The following ZFAT variants were observed in gnomAD, a reference collection of about 807,000 sequenced individuals.
The protein encoded by ZFAT is zinc finger protein ZFAT.
In ZFAT, 64 loss-of-function variants were observed where a neutral mutation model predicts 117.7. The observed-to-expected ratio is 0.54, with a 90% confidence interval of 0.44 to 0.67. The LOEUF (loss-of-function observed/expected upper bound fraction) is 0.67. Among genes scored for constraint, ZFAT ranks in the 30% least tolerant of loss-of-function variants. The probability of loss-of-function intolerance (pLI) is 0.00; values close to 1 mark genes in which losing one functional copy is unlikely to be tolerated. For synonymous variants in ZFAT, 679 were observed against 615.0 expected, an observed-to-expected ratio of 1.10 and a Z score of -1.54; for missense variants, 1,433 against 1,584.5, an observed-to-expected ratio of 0.90 and a Z score of 1.62.
chr8:134,551,074 T>C (rs1007612702), intron 11 of ZFAT, among the ~76,000 whole-genome samples: 1 of 152,196 alleles, frequency 6.6e-6, no homozygotes, highest in Admixed American at 6.5e-5. Flanking sequence ...TGCTCGAGTC[T>C]TGATAGCTAA....
chr8:134,573,290 A>G (rs555277500), intron 10 of ZFAT, among the ~76,000 whole-genome samples: 1 of 152,244 alleles, frequency 6.6e-6, no homozygotes, highest in Non-Finnish European at 1.5e-5. Context: ...TGTTACTTTA[A>G]TTTAAAAAAC....
chr8:134,635,988 C>A (rs1314932269), intron 3 of ZFAT, among the ~76,000 whole-genome samples: 1 of 152,134 alleles, frequency 6.6e-6, no homozygotes, highest in Admixed American at 6.5e-5. Context: ...CCGTGCAGCC[C>A]CACAAGGTTT....
intron 1 of ZFAT, among the ~76,000 whole-genome samples, chr8:134,680,708 T>C (rs561549952): frequency 6.6e-6 from 1 of 152,288 alleles, no homozygotes; most frequent in South Asian, 2.1e-4. Flanking sequence ...GATGTAACTA[T>C]TAGGTTGGGA....
chr8:134,506,828 A>G (rs568328326), intron 15 of ZFAT, among the ~76,000 whole-genome samples: 133 of 152,376 alleles, frequency 8.7e-4, no homozygotes, highest in African/African-American at 3.1e-3. Context: ...GATGTATATA[A>G]AAGAGATCCA....
intron 15 of ZFAT, among the ~76,000 whole-genome samples, chr8:134,506,475 T>C (rs973917466): frequency 1.3e-5 from 2 of 152,178 alleles, no homozygotes; most frequent in African/African-American, 4.8e-5. Context: ...ATTTAAATGG[T>C]CTCAATTATG....
At chr8:134,512,376 T>C in intron 14 of ZFAT, 99 bp downstream of exon 14, 1 of 1,511,702 alleles carries the variant, frequency 6.6e-7, no homozygotes, top group South Asian at 1.3e-5. Context: ...GATTCGGAAG[T>C]AGATCACCTG....
the ZFAT span, among the ~76,000 whole-genome samples, chr8:134,745,777 A>T: frequency 6.6e-6 from 1 of 152,316 alleles, no homozygotes; most frequent in African/African-American, 2.4e-5. Context: ...TTATTTACTC[A>T]TCCAAAACAT....
chr8:134,792,188 T>C, the ZFAT span: 1 of 152,322 alleles, frequency 6.6e-6, no homozygotes, highest in South Asian at 2.1e-4. Context: ...TACTGCCTAA[T>C]TAAAAGGCAC....
chr8:134,684,247 T>C (rs1165055324), intron 1 of ZFAT, among the ~76,000 whole-genome samples: 1 of 152,166 alleles, frequency 6.6e-6, no homozygotes, highest in Non-Finnish European at 1.5e-5. Context: ...GGATGACAAT[T>C]AGTGTGATTT....
At chr8:134,783,002 C>T in the ZFAT span, among the ~76,000 whole-genome samples, 2 of 151,872 alleles carry the variant, frequency 1.3e-5, no homozygotes, top group African/African-American at 4.8e-5. Context: ...CACACACACA[C>T]ATTTATTTTC....
At chr8:134,830,321 C>T in the ZFAT span, among the ~76,000 whole-genome samples, 1 of 152,160 alleles carries the variant, frequency 6.6e-6, no homozygotes, top group Admixed American at 6.5e-5. Flanking sequence ...GTAAAAGAGA[C>T]CTCACAGCAC....
At chr8:134,726,083 G>A in the ZFAT span, among the ~76,000 whole-genome samples, 1 of 152,068 alleles carries the variant, frequency 6.6e-6, no homozygotes, top group Admixed American at 6.5e-5. Context: ...TCCTTTCATG[G>A]GGTCTGGAAT....
chr8:134,575,243 G>C (rs1825212709), intron 10 of ZFAT, among the ~76,000 whole-genome samples: 1 of 152,204 alleles, frequency 6.6e-6, no homozygotes, highest in South Asian at 2.1e-4. Flanking sequence ...ATAAAAAGGA[G>C]TTTGCAGATG....
chr8:134,702,740 C>T (rs1288070662), intron 1 of ZFAT, among the ~76,000 whole-genome samples: 5 of 151,396 alleles, frequency 3.3e-5, no homozygotes, highest in African/African-American at 7.3e-5. Context: ...GGCGCGATCT[C>T]GGCTCACTGC....
the ZFAT span, among the ~76,000 whole-genome samples, chr8:134,761,153 C>T: frequency 4.6e-5 from 7 of 152,174 alleles, no homozygotes; most frequent in Non-Finnish European, 1.0e-4. Context: ...AAGCTCAAAT[C>T]ATTGTACTTT....
intron 9 of ZFAT, among the ~76,000 whole-genome samples, 155 bp downstream of exon 9, chr8:134,588,091 T>C (rs993993290): frequency 5.9e-5 from 9 of 152,206 alleles, no homozygotes; most frequent in African/African-American, 2.2e-4. Context: ...TTTAAATTAC[T>C]GTTTGTAGCT....
chr8:134,540,736 C>T (rs1331060427), intron 11 of ZFAT, among the ~76,000 whole-genome samples: 2 of 152,226 alleles, frequency 1.3e-5, no homozygotes, highest in South Asian at 2.1e-4. Context: ...CTCTCATATG[C>T]CTTTATTCCT....
intron 9 of ZFAT, among the ~76,000 whole-genome samples, chr8:134,587,533 G>A (rs1038357579): frequency 5.9e-5 from 9 of 152,108 alleles, no homozygotes; most frequent in African/African-American, 2.2e-4. Context: ...TAACTAACAG[G>A]CAGGGACCTG....
At chr8:134,814,576 A>G in the ZFAT span, among the ~76,000 whole-genome samples, 1 of 152,248 alleles carries the variant, frequency 6.6e-6, no homozygotes, top group Non-Finnish European at 1.5e-5. Context: ...CCTAACAGCC[A>G]AGGCAATATA....
Sources: allele counts gnomAD v4.1 joint callset (sites outside exome capture counted in the v4.1 genomes callset), GRCh38; gene constraint gnomAD v4.1.1; transcripts MANE v1.5; gene names NCBI Gene and HGNC (gene_info 2026-07-23, HGNC 2026-07-21).